Variants in GFPT1 observed in about 807,000 individuals in gnomAD.
GFPT1 encodes glutamine--fructose-6-phosphate transaminase 1.
GFPT1 carries 40 observed loss-of-function variants against 92.0 expected under a neutral mutation model. That is an observed-to-expected ratio of 0.43 (90% CI 0.34 to 0.57). The LOEUF (loss-of-function observed/expected upper bound fraction) is 0.57. GFPT1 is among the 20% of genes least tolerant of loss of function. The pLI is 0.02. For synonymous variants in GFPT1, 269 were observed against 280.6 expected (o/e 0.96, Z 0.41); for missense variants, 448 against 869.1 (o/e 0.52, Z 6.09).
At chr2:69,372,620 A>T (rs1406967758) in intron 2 of GFPT1, among the ~76,000 whole-genome samples, 1 of 152,200 alleles carries the variant, frequency 6.6e-6, no homozygotes, top group Non-Finnish European at 1.5e-5. Flanking sequence ...CTGTAAGTAG[A>T]AGAAAGGAGC....
At chr2:69,354,692 A>G (rs747458688) in intron 7 of GFPT1, 124 bp from the exon 8 acceptor site, 14 of 709,560 alleles carry the variant, frequency 2.0e-5, no homozygotes, top group Non-Finnish European at 3.6e-5. Context: ...AACTTCAGAT[A>G]TAAGAACTAG....
intron 2 of GFPT1, among the ~76,000 whole-genome samples, chr2:69,371,131 C>T (rs1341529952): frequency 7.2e-6 from 1 of 139,632 alleles, no homozygotes; most frequent in African/African-American, 2.7e-5. Context: ...GGATGGAGGG[C>T]AGTGGCGCAA....
chr2:69,344,675 G>T (rs1671041204), intron 12 of GFPT1, among the ~76,000 whole-genome samples: 2 of 150,062 alleles, frequency 1.3e-5, no homozygotes, highest in South Asian at 4.2e-4. Flanking sequence ...TTTTGAGACA[G>T]GTCTTTCAAC....
chr2:69,365,159 A>T (rs560154567), intron 3 of GFPT1, among the ~76,000 whole-genome samples: 21 of 152,262 alleles, frequency 1.4e-4, no homozygotes, highest in African/African-American at 5.1e-4. Flanking sequence ...CCAGATAACA[A>T]AGTTTATCAG....
chr2:69,358,443 G>A lies in GFPT1; in HGVS notation c.429C>T (p.Phe143=), dbSNP rs1207796251. The change falls in exon 6 of 20, where the codon TTC becomes TTT. Residue 143 remains phenylalanine (F), a synonymous_variant. Transcript: ENST00000357308. ...KKFLESKGYD[F]ESETDTETIA... ...TTGTCTCTGTGTCTGTTTCAGATTC[G>A]AAGTCATAGCCTTTGCTTTCCTGTA... 22 of 1,607,312 alleles carry A rather than the reference G, an allele frequency of 1.4e-5. No homozygotes were observed. Among genetic ancestry groups the A allele is most frequent in the African/African-American group, 2.7e-5 (2 of 74,686 alleles).
intron 12 of GFPT1, 57 bp from the exon 13 acceptor site, chr2:69,342,306 A>T: frequency 1.9e-6 from 2 of 1,057,530 alleles, no homozygotes; most frequent in Non-Finnish European, 3.0e-6. Flanking sequence ...GAACTAGGCA[A>T]TCGCATTTTG....
At chr2:69,326,777 C>A in intron 19 of GFPT1, 137 bp downstream of exon 19, 1 of 835,976 alleles carries the variant, frequency 1.2e-6, no homozygotes, top group Non-Finnish European at 2.0e-6. Context: ...ACAAATTGGG[C>A]CATGAAAATA....
chr2:69,325,384 A>G lies in GFPT1; in HGVS notation c.*805T>C, dbSNP rs150138800. 5.3e-5 allele frequency: 8 copies of G among 152,300 alleles called. No individual in the cohort carries two copies. The highest frequency in any genetic ancestry group is 1.7e-4 in the African/African-American group (7 of 41,564). 9.4% of individuals were successfully genotyped at this position (152,300 alleles called of 1,614,324 possible). The stretch of plus-strand genomic sequence containing the variant: ...TAAAAGACTACAGATACAAGGAAAT[A>G]AAAACCACTTTTAGGAGATGAAAAC... On this transcript the variant is annotated 3_prime_UTR_variant, in exon 20 of 20. Coordinates refer to ENST00000357308, the MANE Select transcript of GFPT1 (RefSeq NM_001244710.2).
intron 15 of GFPT1, among the ~76,000 whole-genome samples, chr2:69,335,221 G>A (rs1352321416): frequency 6.6e-6 from 1 of 151,946 alleles, no homozygotes; most frequent in Non-Finnish European, 1.5e-5. Context: ...TGCCTCGGCT[G>A]GTCTTGAACT....
At chr2:69,383,611 T>C (rs1413098171) in intron 1 of GFPT1, among the ~76,000 whole-genome samples, 1 of 152,136 alleles carries the variant, frequency 6.6e-6, no homozygotes, top group East Asian at 1.9e-4. Context: ...CATTTATTTA[T>C]TTATTTATTT....
chr2:69,337,007 G>C (rs915952353), intron 15 of GFPT1, among the ~76,000 whole-genome samples: 17 of 149,880 alleles, frequency 1.1e-4, no homozygotes, highest in African/African-American at 3.9e-4. Context: ...TAAAGAGAAA[G>C]ATATTGTCAT....
chr2:69,373,413 T>C (rs1671797925), intron 2 of GFPT1, among the ~76,000 whole-genome samples: 1 of 152,138 alleles, frequency 6.6e-6, no homozygotes, highest in Non-Finnish European at 1.5e-5. Flanking sequence ...GGCCAGGAGT[T>C]TGAGACCAGC....
intron 9 of GFPT1, among the ~76,000 whole-genome samples, chr2:69,353,072 T>A (rs907179459): frequency 1.0e-4 from 15 of 150,160 alleles, no homozygotes; most frequent in Non-Finnish European, 1.9e-4. Flanking sequence ...GTAAAAAAAA[T>A]TTGAGATATC....
At chr2:69,376,810 G>A (rs926714600) in intron 1 of GFPT1, among the ~76,000 whole-genome samples, 2 of 151,926 alleles carry the variant, frequency 1.3e-5, no homozygotes, top group African/African-American at 4.8e-5. Context: ...TAAGCCGGAT[G>A]GTAAATGATT....
chr2:69,335,421 C>T (rs1670771511), intron 15 of GFPT1, among the ~76,000 whole-genome samples: 1 of 152,038 alleles, frequency 6.6e-6, no homozygotes, highest in Non-Finnish European at 1.5e-5. Context: ...TATATATTTC[C>T]CTTGGCAGCT....
intron 18 of GFPT1, 55 bp downstream of exon 18, chr2:69,328,216 C>G: frequency 2.3e-6 from 3 of 1,303,612 alleles, no homozygotes; most frequent in Non-Finnish European, 3.3e-6. Flanking sequence ...TTCAAATAAG[C>G]TAGCGTAACT....
At chr2:69,354,875 G>A (rs139134212) in intron 7 of GFPT1, among the ~76,000 whole-genome samples, 28 of 152,154 alleles carry the variant, frequency 1.8e-4, no homozygotes, top group South Asian at 4.2e-4. Flanking sequence ...GTGATGGCAC[G>A]TGCCTACAGT....
In GFPT1 at chr2:69,322,414, G is replaced by A. The variant is rs1478906841; in HGVS notation, c.*3775C>T. ...TTAAAAGGGGAAAAAAAAACCCAGA[G>A]AACTTATTAAAATGTTTGTTAAAGC... is the stretch of plus-strand genomic sequence containing the variant. On this transcript the variant is annotated 3_prime_UTR_variant, in exon 20 of 20. Coordinates refer to ENST00000357308, the MANE Select transcript of GFPT1 (RefSeq NM_001244710.2). 14 of 151,874 alleles carry A rather than the reference G, an allele frequency of 9.2e-5. No homozygotes were observed. Among genetic ancestry groups the A allele is most frequent in the Admixed American group, 9.2e-4 (14 of 15,264 alleles). The allele number at this position is 151,874 out of a possible 1,614,324, so 9.4% of individuals were successfully genotyped here. A position where few individuals can be genotyped will look rare whatever the true frequency, so the allele number is the denominator to read the frequency against.
rs945544564 is a variant in GFPT1 at position 69,323,781 on chromosome 2, T to G, written c.*2408A>C. ...ACCTCCGCCTCCTGGGTTCAAGCGA[T>G]TCTCCTGCCTCAGCCTCCCAAGTAG... On this transcript the variant is annotated 3_prime_UTR_variant, in exon 20 of 20. Transcript: ENST00000357308. 2 of 152,336 alleles carry G rather than the reference T, an allele frequency of 1.3e-5. No homozygotes were observed. Among genetic ancestry groups the G allele is most frequent in the African/African-American group, 4.8e-5 (2 of 41,322 alleles). 9.4% of individuals were successfully genotyped at this position (152,336 alleles called of 1,614,324 possible).
Sources: allele counts gnomAD v4.1 joint callset (sites outside exome capture counted in the v4.1 genomes callset), GRCh38; gene constraint gnomAD v4.1.1; transcripts MANE v1.5; gene names NCBI Gene and HGNC (gene_info 2026-07-23, HGNC 2026-07-21).